TTC23: variants seen among roughly 807,000 people sequenced by gnomAD.
TTC23 encodes the protein tetratricopeptide repeat protein 23.
TTC23 carries 58 observed loss-of-function variants against 55.1 expected under a neutral mutation model. That is an observed-to-expected ratio of 1.05 (90% confidence interval 0.85 to 1.31). The LOEUF (loss-of-function observed/expected upper bound fraction) is 1.31. Among genes scored for constraint, TTC23 ranks in the 50% most tolerant of loss-of-function variants. The pLI is 0.00. For missense variants in TTC23, 516 were observed against 534.4 expected, an observed-to-expected ratio of 0.97 and a Z score of 0.34; for synonymous variants, 203 against 199.9, an observed-to-expected ratio of 1.02 and a Z score of -0.13.
chr15:99,184,376 A>AG (rs1596477399), intron 9 of TTC23, among the ~76,000 whole-genome samples: 1 of 152,194 alleles, frequency 6.6e-6, no homozygotes, highest in East Asian at 1.9e-4. Flanking sequence ...AGCAGCCAAG[A>AG]GGGGGGTTGT....
At chr15:99,218,503 G>A in intron 8 of TTC23, 85 bp downstream of exon 8, 1 of 1,567,458 alleles carries the variant, frequency 6.4e-7, no homozygotes, top group Non-Finnish European at 8.7e-7. Flanking sequence ...CAGCCTCATG[G>A]AGATGCTCCT....
intron 6 of TTC23, among the ~76,000 whole-genome samples, 185 bp downstream of exon 6, chr15:99,221,556 A>AT (rs2077928942): frequency 6.6e-6 from 1 of 152,108 alleles, no homozygotes. Flanking sequence ...TATTTTTTCC[A>AT]TTTTTCCCCT....
rs1024312301 is a variant in TTC23, at chr15:99,137,392, C to G, written c.*618G>C. ...AGCCTCCGGCTAGCCTTTCTTTTCA[C>G]TCCCTTACACCTGCCTCCTGGGCCC... On this transcript the variant is annotated 3_prime_UTR_variant, in exon 14 of 14. Coordinates refer to ENST00000394132, the MANE Select transcript of TTC23 (RefSeq NM_001288615.3). 2.6e-5 allele frequency: 4 copies of G among 152,296 alleles called. No homozygotes were observed. Among genetic ancestry groups the G allele is most frequent in the South Asian group, 2.1e-4 (1 of 4,834 alleles). The allele number at this position is 152,296 out of a possible 1,614,324, so 9.4% of individuals were successfully genotyped here. A position where few individuals can be genotyped will look rare whatever the true frequency, so the allele number is the denominator to read the frequency against.
At chr15:99,246,812 C>T (rs1482608021) in intron 1 of TTC23, among the ~76,000 whole-genome samples, 5 of 151,972 alleles carry the variant, frequency 3.3e-5, no homozygotes, top group Non-Finnish European at 5.9e-5. Context: ...CCTAGCTACT[C>T]GGGAGGCTGA....
At chr15:99,161,653 T>C (rs2071391884) in intron 11 of TTC23, 87 bp downstream of exon 11, 8 of 1,477,494 alleles carry the variant, frequency 5.4e-6, no homozygotes, top group Non-Finnish European at 6.4e-6. Flanking sequence ...ACACAGTAGA[T>C]GCTTAATGGA....
At chr15:99,158,011 G>A (rs2070843996) in intron 11 of TTC23, 1 of 152,176 alleles carries the variant, frequency 6.6e-6, no homozygotes. Flanking sequence ...GGACAAGGAG[G>A]GCGTTTAATC....
At chr15:99,147,402 T>C (rs937077786) in intron 12 of TTC23, among the ~76,000 whole-genome samples, 56 of 151,956 alleles carry the variant, frequency 3.7e-4, no homozygotes, top group African/African-American at 1.2e-3. Context: ...ATTTTTTGTA[T>C]TTTTAGTAGA....
intron 5 of TTC23, among the ~76,000 whole-genome samples, chr15:99,225,738 A>G (rs1340654515): frequency 2.6e-5 from 4 of 152,228 alleles, no homozygotes; most frequent in South Asian, 2.1e-4. Context: ...CATAGTAATA[A>G]CTGATTCAGG....
At chr15:99,210,396 A>G (rs1329181157) in intron 8 of TTC23, among the ~76,000 whole-genome samples, 1 of 152,214 alleles carries the variant, frequency 6.6e-6, no homozygotes, top group African/African-American at 2.4e-5. Flanking sequence ...TGTGTAAGTT[A>G]AGAGCATATC....
At chr15:99,170,600 T>C (rs747540899) in intron 10 of TTC23, among the ~76,000 whole-genome samples, 3 of 152,202 alleles carry the variant, frequency 2.0e-5, no homozygotes, top group Admixed American at 6.5e-5. Flanking sequence ...TTGAGAGCTG[T>C]GAGGGATTTG....
rs2077952013 is a variant in TTC23 at position 99,221,766 on chromosome 15, C to T, written c.279G>A (p.Leu93=). Residue 93 remains leucine (L), a synonymous_variant, in exon 6 of 14, where the codon CTG becomes CTA. Coordinates refer to ENST00000394132, the MANE Select transcript of TTC23 (RefSeq NM_001288615.3). ...CTTTCAGCTGGAGGTAGCCTTGAGC[C>T]AGATTAACATGTGCCTCTGCTAGTT... The part of the protein sequence containing the change: ...HWKLAEAHVN[L]AQGYLQLKGL... 1.2e-6 allele frequency: 2 copies of T among 1,613,942 alleles called. No homozygotes were observed. The highest frequency in any genetic ancestry group is 1.7e-5 in the Admixed American group (1 of 59,994).
intron 5 of TTC23, among the ~76,000 whole-genome samples, chr15:99,226,566 C>T (rs916777847): frequency 2.0e-5 from 3 of 152,206 alleles, no homozygotes; most frequent in Non-Finnish European, 2.9e-5. Context: ...CCTTCCAGGG[C>T]ACTTAGCTTG....
At chr15:99,166,677 G>A (rs1337781327) in intron 10 of TTC23, among the ~76,000 whole-genome samples, 2 of 152,196 alleles carry the variant, frequency 1.3e-5, no homozygotes, top group African/African-American at 4.8e-5. Context: ...TCCTCAAGTC[G>A]CTGCTCTCTT....
In TTC23 at chr15:99,166,930, T is replaced by C. The variant is rs114704896; in HGVS notation, c.866-5063A>G. 8.8e-3 allele frequency among the ~76,000 whole-genome samples: 1,339 copies of C among 152,294 alleles called. 21 individuals are homozygous for C. Among genetic ancestry groups the C allele is most frequent in the African/African-American group, 0.031 (1,291 of 41,548 alleles). ...TCCACGTGTGCACCTTCCCTGTCTATAGATTTCAAACCACTTTTATCTTTA... is the reference window on the plus strand; with the variant it reads ...TCCACGTGTGCACCTTCCCTGTCTACAGATTTCAAACCACTTTTATCTTTA... On this transcript the variant is annotated intron_variant, in intron 10 of 13. Transcript: ENST00000394132.
At chr15:99,204,867 C>T (rs1321800093) in intron 8 of TTC23, among the ~76,000 whole-genome samples, 4 of 152,060 alleles carry the variant, frequency 2.6e-5, no homozygotes, top group Non-Finnish European at 5.9e-5. Context: ...AACTCCTGTG[C>T]TCAAGCAATC....
In TTC23 at chr15:99,137,825, G is replaced by T; in HGVS notation, c.*185C>A. 2.2e-6 allele frequency: 2 copies of T among 890,384 alleles called. No homozygotes were observed. The highest frequency in any genetic ancestry group is 1.8e-5 in the South Asian group (1 of 54,268). The allele number at this position is 890,384 out of a possible 1,614,324, so 55.2% of individuals were successfully genotyped here. Reference sequence around the variant, plus strand: ...TTTATAGCATATATCACCCTGAAGGGCATCCACTGTCAAAATGTGGCCCAC... The same window carrying T: ...TTTATAGCATATATCACCCTGAAGGTCATCCACTGTCAAAATGTGGCCCAC... On this transcript the variant is annotated 3_prime_UTR_variant, in exon 14 of 14. Transcript: ENST00000394132.
chr15:99,152,561 G>A (rs1257072163), intron 12 of TTC23, among the ~76,000 whole-genome samples: 1 of 151,898 alleles, frequency 6.6e-6, no homozygotes, highest in Non-Finnish European at 1.5e-5. Flanking sequence ...TAGTAGAGAC[G>A]GGGTTTCGCC....
chr15:99,227,509 C>T (rs1168383601), intron 5 of TTC23, among the ~76,000 whole-genome samples: 1 of 152,222 alleles, frequency 6.6e-6, no homozygotes, highest in Admixed American at 6.5e-5. Context: ...ATACCCTTCA[C>T]AGCTATGGGA....
intron 9 of TTC23, among the ~76,000 whole-genome samples, chr15:99,196,853 A>G (rs2075757666): frequency 6.6e-6 from 1 of 152,228 alleles, no homozygotes; most frequent in South Asian, 2.1e-4. Flanking sequence ...AAATTCCTTA[A>G]GATGACTTTC....
Sources: gnomAD v4.1 joint callset for allele counts (sites outside exome capture counted in the v4.1 genomes callset) on GRCh38, gnomAD v4.1.1 for gene constraint, MANE v1.5 for transcripts, NCBI Gene and HGNC (gene_info 2026-07-23, HGNC 2026-07-21) for gene names.